The following CYP4F2 variants were observed in gnomAD, a reference collection of about 807,000 sequenced individuals.
CYP4F2 encodes the protein cytochrome P450 family 4 subfamily F member 2, also known as cytochrome P450 4F2.
Under a neutral mutation model 58.9 loss-of-function variants are expected in CYP4F2, and 58 were observed. The observed-to-expected ratio is 0.98, with a 90% CI of 0.80 to 1.23. The LOEUF is 1.23. Ranked by LOEUF, CYP4F2 falls within the 50% of genes most tolerant of loss-of-function variation. The pLI, the probability that CYP4F2 is intolerant of heterozygous loss-of-function variation, is 0.00. For missense variants in CYP4F2, 616 were observed against 685.6 expected (o/e 0.90, Z 1.13); for synonymous variants, 287 against 261.1 (o/e 1.10, Z -0.95).
intron 2 of CYP4F2, among the ~76,000 whole-genome samples, chr19:15,897,129 G>T (rs936798920): frequency 1.3e-5 from 2 of 152,184 alleles, no homozygotes; most frequent in African/African-American, 4.8e-5. Context: ...TCGCCTCTCT[G>T]TGCAGCCAAC....
intron 1 of CYP4F2, 129 bp downstream of exon 1, chr19:15,897,897 C>T (rs2089458220): frequency 2.8e-6 from 1 of 362,266 alleles, no homozygotes; most frequent in African/African-American, 2.2e-5. Flanking sequence ...TTGCCAGGGG[C>T]TTGGTTTCAG....
intron 9 of CYP4F2, among the ~76,000 whole-genome samples, chr19:15,882,105 C>T (rs907900933): frequency 3.9e-5 from 6 of 151,960 alleles, no homozygotes; most frequent in Non-Finnish European, 7.4e-5. Flanking sequence ...ATTAGCCAAG[C>T]GTGGTTGCGG....
intron 3 of CYP4F2, among the ~76,000 whole-genome samples, chr19:15,893,404 T>C (rs2145013195): frequency 6.6e-6 from 1 of 152,120 alleles, no homozygotes; most frequent in Non-Finnish European, 1.5e-5. Flanking sequence ...GCCCCAAATG[T>C]CCTTGGCCAC....
At chr19:15,880,648 C>T (rs950466654) in intron 9 of CYP4F2, among the ~76,000 whole-genome samples, 2 of 151,736 alleles carry the variant, frequency 1.3e-5, no homozygotes, top group African/African-American at 2.4e-5. Flanking sequence ...AATTTTAATA[C>T]ACATTCTTAA....
chr19:15,887,005 A>G (rs1281864598), intron 7 of CYP4F2, among the ~76,000 whole-genome samples: 1 of 152,246 alleles, frequency 6.6e-6, no homozygotes, highest in Non-Finnish European at 1.5e-5. Context: ...ACTCTGGCTA[A>G]CAGTATTGCT....
intron 5 of CYP4F2, among the ~76,000 whole-genome samples, chr19:15,890,820 G>T (rs1245836324): frequency 1.3e-5 from 2 of 152,144 alleles, no homozygotes; most frequent in Non-Finnish European, 2.9e-5. Context: ...GGTGAACTTG[G>T]GTTAGTTCCC....
chr19:15,897,719 A>T, intron 1 of CYP4F2, 107 bp from the exon 2 acceptor site: 1 of 1,383,358 alleles, frequency 7.2e-7, no homozygotes, highest in Non-Finnish European at 9.9e-7. Flanking sequence ...GAGGTAGAGC[A>T]GGGAGGGCTC....
Position 15,897,601 on chromosome 19 carries a change from A to G in CYP4F2, c.11T>C (p.Leu4Pro), listed in dbSNP as rs1161180332. ...CCAGAGGCCCAGCCAGGACAGGCTCAGCTGGGACATCCTGCAGGGCAGACG... is the reference window on the plus strand; with the variant it reads ...CCAGAGGCCCAGCCAGGACAGGCTCGGCTGGGACATCCTGCAGGGCAGACG... The part of the protein sequence containing the change: MSQ[L>P]SLSWLGLWPV... The change falls in exon 2 of 13, where the codon CTG becomes CCG. Residue 4 changes from leucine to proline, a missense_variant. By Grantham distance (98) the Leu-to-Pro change is moderately conservative. Coordinates refer to ENST00000221700, the MANE Select transcript of CYP4F2 (RefSeq NM_001082.5). The G allele has an allele frequency of 1.2e-6, 2 of 1,613,630 alleles. No homozygotes were observed. Among genetic ancestry groups the G allele is most frequent in the South Asian group, 2.2e-5 (2 of 91,060 alleles).
At chr19:15,885,588 T>C (rs2089372637) in intron 9 of CYP4F2, among the ~76,000 whole-genome samples, 1 of 152,126 alleles carries the variant, frequency 6.6e-6, no homozygotes, top group Non-Finnish European at 1.5e-5. Flanking sequence ...AGAGCAAACA[T>C]TCAAGAAGTG....
At chr19:15,887,193 G>GAC (rs147624686) in intron 7 of CYP4F2, among the ~76,000 whole-genome samples, 21,267 of 151,158 alleles carry the variant, frequency 0.14, 1,616 homozygotes, top group Non-Finnish European at 0.17. Context: ...TATAGACACA[G>GAC]ACACACACAC....
rs1468770714 is a variant in CYP4F2, at chr19:15,878,903, C to A, written c.1431G>T (p.Glu477Asp). Residue 477 changes from glutamate (E) to aspartate (D), a missense_variant, in exon 13 of 13, where the codon GAG (glutamate) becomes GAT (aspartate). Physicochemically the swap from Glu to Asp is conservative, Grantham distance 45 (BLOSUM62 2). Transcript: ENST00000221700. ...GCGTGAGCGCCAGGACCACCTTCAT[C>A]TCCGCCATCGCGAACGTCTGCCCGA... ...NCIGQTFAMA[E>D]MKVVLALTLL... is the part of the protein sequence containing the mutation. 2 of 1,614,042 alleles carry A rather than the reference C, an allele frequency of 1.2e-6. No homozygotes were observed. Among genetic ancestry groups the A allele is most frequent in the Admixed American group, 3.3e-5 (2 of 60,016 alleles).
chr19:15,892,801 G>A (rs2089424814), intron 3 of CYP4F2, among the ~76,000 whole-genome samples: 1 of 152,104 alleles, frequency 6.6e-6, no homozygotes, highest in African/African-American at 2.4e-5. Flanking sequence ...GCCTAACATG[G>A]CGTGTAGGAG....
At position 15,895,598 on chromosome 19, in the gene CYP4F2, T is replaced by A. The variant is rs2089443101; in HGVS notation, c.251A>T (p.Tyr84Phe). The A allele has an allele frequency of 1.3e-6, 2 of 1,592,332 alleles. No homozygotes were observed. The highest frequency in any genetic ancestry group is 1.7e-6 in the Non-Finnish European group (2 of 1,171,118). The change falls in exon 3 of 13, where the codon TAC (tyrosine) becomes TTC (phenylalanine). Residue 84 changes from tyrosine (Y) to phenylalanine (F), a missense_variant. Physicochemically the swap from Tyr to Phe is conservative, Grantham distance 22 (BLOSUM62 3). Transcript: ENST00000221700. ...MRVLTQLVATYPQGFKVWMGP... is the reference protein window; with the variant it reads ...MRVLTQLVATFPQGFKVWMGP... ...CATCCAGACCTTAAAGCCCTGGGGG[T>A]AGGTGGCCACCAGCTGAGTCAGAAC...
chr19:15,892,426 G>A lies in CYP4F2; in HGVS notation c.408C>T (p.Leu136=). Residue 136 remains leucine, a synonymous_variant, in exon 5 of 13, where the codon CTC becomes CTT. Transcript: ENST00000221700. ...TCCACTTGTCACCAGCACTCAGCAG[G>A]AGCCCATCCCCTAGCAGGGCAGCCA... ...SFLEPWLGDG[L]LLSAGDKWSR... is the part of the protein sequence containing the mutation. 2 of 1,614,156 alleles carry A rather than the reference G, an allele frequency of 1.2e-6. No homozygotes were observed. Among genetic ancestry groups the A allele is most frequent in the South Asian group, 1.1e-5 (1 of 91,076 alleles).
rs145174239 is a variant in CYP4F2 at position 15,886,018 on chromosome 19, G to C, written c.1021C>G (p.Leu341Val). 7.4e-3 allele frequency: 11,992 copies of C among 1,614,066 alleles called. 73 individuals are homozygous for C. The highest frequency in any genetic ancestry group is 0.018 in the South Asian group (1,682 of 91,078). ...TCTGGGTGCTTTGCAAGGTGGTACA[G>C]GACCCAGGAGAGACCACTGGCCGTG... is the stretch of plus-strand genomic sequence containing the variant. ...DTTASGLSWV[L>V]YHLAKHPEYQ... The change falls in exon 9 of 13, where the codon CTG becomes GTG. Residue 341 changes from leucine to valine, a missense_variant. Leu to Val is a conservative substitution (Grantham distance 32, BLOSUM62 1). Coordinates refer to ENST00000221700, the MANE Select transcript of CYP4F2 (RefSeq NM_001082.5).
chr19:15,892,087 T>C (rs1047088497), intron 5 of CYP4F2, among the ~76,000 whole-genome samples: 1 of 152,230 alleles, frequency 6.6e-6, no homozygotes, highest in East Asian at 1.9e-4. Context: ...ACAGACACCT[T>C]CTGGGCACCT....
rs374163139 is a variant in CYP4F2, at chr19:15,886,105, G to A, written c.986-52C>T. 508 of 1,606,752 alleles carry A rather than the reference G, an allele frequency of 3.2e-4. 1 individual carries two copies. Among genetic ancestry groups the A allele is most frequent in the Middle Eastern group, 8.3e-4 (5 of 5,994 alleles). ...TCTCTGGGCTGCTTCAGCACCCGAAGGTAGACAGCACCCATGCATTGAGGG... is the reference window on the plus strand; with the variant it reads ...TCTCTGGGCTGCTTCAGCACCCGAAAGTAGACAGCACCCATGCATTGAGGG... On this transcript the variant is annotated intron_variant, in intron 8 of 12. Transcript: ENST00000221700.
At position 15,878,857 on chromosome 19, in the gene CYP4F2, G is replaced by T. The variant is rs2089322848; in HGVS notation, c.1477C>A (p.Pro493Thr). Residue 493 changes from proline (P) to threonine (T), a missense_variant, in exon 13 of 13, where the codon CCT (proline) becomes ACT (threonine). Transcript: ENST00000221700. ...TTCCTGCGGGGCTCGGTGTGGTCAGGCAGGACGCGGAAGCGCAGCAGCGTG... is the reference window on the plus strand; with the variant it reads ...TTCCTGCGGGGCTCGGTGTGGTCAGTCAGGACGCGGAAGCGCAGCAGCGTG... ...ALTLLRFRVLPDHTEPRRKPE... is the reference protein window; with the variant it reads ...ALTLLRFRVLTDHTEPRRKPE... 1 of 1,614,072 alleles carries T rather than the reference G, an allele frequency of 6.2e-7. No homozygotes were observed. Among genetic ancestry groups the T allele is most frequent in the Non-Finnish European group, 8.5e-7 (1 of 1,180,006 alleles).
intron 7 of CYP4F2, chr19:15,886,595 T>C: frequency 2.4e-6 from 1 of 413,762 alleles, no homozygotes; most frequent in Non-Finnish European, 4.3e-6. Context: ...ACTGGCAACC[T>C]GAGTTACAGG....
Sources: gnomAD v4.1 joint callset for allele counts (sites outside exome capture counted in the v4.1 genomes callset) on GRCh38, gnomAD v4.1.1 for gene constraint, MANE v1.5 for transcripts, NCBI Gene and HGNC (gene_info 2026-07-23, HGNC 2026-07-21) for gene names.